Variants in MPP7 observed in about 807,000 individuals in gnomAD.
MPP7 encodes MAGUK p55 subfamily member 7.
A neutral mutation model predicts 76.5 loss-of-function variants in MPP7; 60 were observed. The observed-to-expected ratio is 0.78, with a 90% CI of 0.64 to 0.97. The LOEUF is 0.97. Among genes scored for constraint, MPP7 ranks in the 50% least tolerant of loss-of-function variants. The pLI is 0.00. For missense variants in MPP7, 641 were observed against 694.0 expected (o/e 0.92, Z 0.86); for synonymous variants, 237 against 244.5 (o/e 0.97, Z 0.29).
At chr10:28,291,214 C>T (rs76380523) in intron 1 of MPP7, among the ~76,000 whole-genome samples, 2,302 of 152,268 alleles carry the variant, frequency 0.015, 38 homozygotes, top group East Asian at 0.071. Context: ...TCCCAGGTAA[C>T]GCAAAATACA....
intron 5 of MPP7, among the ~76,000 whole-genome samples, chr10:28,138,130 A>T (rs1309355609): frequency 6.6e-6 from 1 of 152,208 alleles, no homozygotes. Context: ...AAAATCTACC[A>T]AATTTTCCAT....
rs553512746 is a variant in MPP7 at position 28,106,584 on chromosome 10, G to A, written c.952+13067C>T. On this transcript the variant is annotated intron_variant, in intron 11 of 16. Coordinates refer to ENST00000683449, the MANE Select transcript of MPP7 (RefSeq NM_001318170.2). Reference sequence around the variant, plus strand: ...ATTTAGAAGCTTTGAATCATTTACAGTTAACCACAATTATTTCCTTTTTCA... The same window carrying A: ...ATTTAGAAGCTTTGAATCATTTACAATTAACCACAATTATTTCCTTTTTCA... Among the ~76,000 whole-genome samples, 4 of 152,298 alleles carry A rather than the reference G, an allele frequency of 2.6e-5. No homozygotes were observed. In the East Asian group the frequency reaches 7.7e-4, roughly 29 times the overall value.
intron 2 of MPP7, among the ~76,000 whole-genome samples, chr10:28,215,346 A>T (rs775614311): frequency 2.6e-4 from 39 of 152,064 alleles, no homozygotes; most frequent in Admixed American, 5.9e-4. Flanking sequence ...GAGGAAAAAA[A>T]AAATAAAAGC....
At chr10:28,154,035 C>T (rs1354042045) in intron 3 of MPP7, among the ~76,000 whole-genome samples, 3 of 152,066 alleles carry the variant, frequency 2.0e-5, no homozygotes, top group East Asian at 3.9e-4. Context: ...CCATGGGACA[C>T]GATCCTTTCA....
chr10:28,330,077 G>A (rs1834457682), intron 1 of MPP7: 1 of 141,382 alleles, frequency 7.1e-6, no homozygotes, highest in Non-Finnish European at 1.5e-5. Context: ...GTACCACATA[G>A]CATCTACCAA....
At chr10:28,134,247 T>TGAAA (rs796647016) in intron 5 of MPP7, among the ~76,000 whole-genome samples, 45 of 152,298 alleles carry the variant, frequency 3.0e-4, no homozygotes, top group African/African-American at 1.1e-3. Flanking sequence ...GTGGTTGAAA[T>TGAAA]GTTCATTTTT....
At chr10:28,265,781 A>T (rs1400851964) in intron 1 of MPP7, among the ~76,000 whole-genome samples, 1 of 152,236 alleles carries the variant, frequency 6.6e-6, no homozygotes, top group African/African-American at 2.4e-5. Context: ...AATGAAATCC[A>T]ATAAGCAGAG....
At chr10:28,209,455 T>C (rs982555532) in intron 2 of MPP7, among the ~76,000 whole-genome samples, 3 of 140,038 alleles carry the variant, frequency 2.1e-5, no homozygotes, top group African/African-American at 8.8e-5. Context: ...AGTGACAGAA[T>C]GAAATCCTAT....
At chr10:28,093,657 G>A (rs1312371009) in intron 11 of MPP7, among the ~76,000 whole-genome samples, 1 of 152,064 alleles carries the variant, frequency 6.6e-6, no homozygotes, top group African/African-American at 2.4e-5. Flanking sequence ...ATGTTGGCCA[G>A]GCTGGTCTCG....
chr10:28,281,288 C>T (rs1840665457), intron 1 of MPP7, among the ~76,000 whole-genome samples: 1 of 151,962 alleles, frequency 6.6e-6, no homozygotes. Context: ...GGAGTTTTGC[C>T]ACATTGGCCA....
In MPP7 at chr10:28,187,272, A is replaced by G. The variant is rs572167504; in HGVS notation, c.156+14881T>C. Among the ~76,000 whole-genome samples the G allele has an allele frequency of 2.0e-5, 3 of 152,182 alleles. No individual in the cohort carries two copies. In the South Asian group the frequency reaches 6.2e-4, roughly 31 times the overall value. ...TCTCTGAAAAGGGCAACATATGGCC[A>G]CCATTTTTAGAGTATGAATTACAAA... On this transcript the variant is annotated intron_variant, in intron 3 of 16. Coordinates refer to ENST00000683449, the MANE Select transcript of MPP7 (RefSeq NM_001318170.2).
chr10:28,208,111 T>C (rs1838007490), intron 2 of MPP7, among the ~76,000 whole-genome samples: 1 of 152,110 alleles, frequency 6.6e-6, no homozygotes, highest in African/African-American at 2.4e-5. Context: ...GAAAACAACC[T>C]TGGAAGAGGA....
chr10:28,119,529 C>A, intron 11 of MPP7, 122 bp downstream of exon 11: 1 of 706,230 alleles, frequency 1.4e-6, no homozygotes. Flanking sequence ...TTCCTGAGAA[C>A]TGATGATCCC....
intron 1 of MPP7, among the ~76,000 whole-genome samples, chr10:28,250,777 T>A (rs914497323): frequency 1.3e-5 from 2 of 152,230 alleles, no homozygotes; most frequent in African/African-American, 4.8e-5. Context: ...ATTTGATCAC[T>A]CTAGTTCCTC....
chr10:28,271,798 A>G (rs1840334332), intron 1 of MPP7, among the ~76,000 whole-genome samples: 2 of 152,120 alleles, frequency 1.3e-5, no homozygotes, highest in Non-Finnish European at 2.9e-5. Context: ...ACATAGTGAA[A>G]CCCTGTCTCT....
At chr10:28,149,523 T>G (rs1392007343) in intron 4 of MPP7, among the ~76,000 whole-genome samples, 1 of 152,220 alleles carries the variant, frequency 6.6e-6, no homozygotes, top group African/African-American at 2.4e-5. Flanking sequence ...CTATGTTTTA[T>G]AATCCATTAT....
chr10:28,241,885 T>A (rs1204963132), intron 1 of MPP7, among the ~76,000 whole-genome samples: 1 of 152,172 alleles, frequency 6.6e-6, no homozygotes, highest in Non-Finnish European at 1.5e-5. Context: ...CTGGCACTGA[T>A]CATGTGGAAA....
intron 1 of MPP7, among the ~76,000 whole-genome samples, chr10:28,262,210 T>TATATATATAC (rs1564741259): frequency 3.5e-3 from 29 of 8,210 alleles, no homozygotes; most frequent in South Asian, 6.6e-3. Flanking sequence ...TATATATACA[T>TATATATATAC]ATATATATAT....
intron 2 of MPP7, among the ~76,000 whole-genome samples, chr10:28,320,649 A>G (rs1834361575): frequency 6.6e-6 from 1 of 152,128 alleles, no homozygotes; most frequent in Non-Finnish European, 1.5e-5. Context: ...ATCGTTTCAT[A>G]TCAATTTTGC....
Sources: gnomAD v4.1 joint callset for allele counts (sites outside exome capture counted in the v4.1 genomes callset) on GRCh38, gnomAD v4.1.1 for gene constraint, MANE v1.5 for transcripts, NCBI Gene and HGNC (gene_info 2026-07-23, HGNC 2026-07-21) for gene names.